AGAP3: variants seen among roughly 807,000 people sequenced by gnomAD.
AGAP3 encodes arf-GAP with GTPase, ANK repeat and PH domain-containing protein 3.
Under a neutral mutation model 96.9 loss-of-function variants are expected in AGAP3, and 24 were observed. The ratio of observed to expected loss-of-function variants is 0.25; its 90% CI spans 0.18 to 0.35. AGAP3 has a LOEUF of 0.35. Ranked by LOEUF, AGAP3 falls within the 10% of genes least tolerant of loss-of-function variation. AGAP3 has a pLI of 1.00. For synonymous variants in AGAP3, 563 were observed against 536.1 expected, an observed-to-expected ratio of 1.05 and a Z score of -0.69; for missense variants, 876 against 1,254.2, an observed-to-expected ratio of 0.70 and a Z score of 4.55.
intron 8 of AGAP3, chr7:151,122,713 C>G (rs1408336332): frequency 6.2e-7 from 1 of 1,613,584 alleles, no homozygotes; most frequent in African/African-American, 1.3e-5. Context: ...TTTATTCTTT[C>G]GATATTTGCA....
chr7:151,115,446 G>T, intron 1 of AGAP3: 1 of 1,016,492 alleles, frequency 9.8e-7, no homozygotes. Flanking sequence ...CGGCTCCCTA[G>T]GCGCCTTCCC....
In AGAP3 at chr7:151,119,982, C is replaced by T. The variant is rs747911873; in HGVS notation, c.970-5C>T. 4 of 1,613,558 alleles carry T rather than the reference C, an allele frequency of 2.5e-6. No individual in the cohort carries two copies. In the Admixed American group the frequency reaches 5.0e-5, roughly 20 times the overall value. Reference sequence around the variant, plus strand: ...GCTGCCCTCAGCAGCCCTCTTTGTCCTTAGGCCACGAATGGCGGCGGCAGC... The same window carrying T: ...GCTGCCCTCAGCAGCCCTCTTTGTCTTTAGGCCACGAATGGCGGCGGCAGC... On this transcript the variant is annotated splice_region_variant and splice_polypyrimidine_tract_variant and intron_variant, in intron 7 of 17. Transcript: ENST00000397238.
chr7:151,128,378 T>G, intron 9 of AGAP3: 9 of 544,074 alleles, frequency 1.7e-5, no homozygotes, highest in East Asian at 6.2e-5. Flanking sequence ...TGATGGATGA[T>G]GGGGGAGAGC....
chr7:151,116,938 T>C, intron 2 of AGAP3, 87 bp downstream of exon 2: 1 of 1,562,592 alleles, frequency 6.4e-7, no homozygotes, highest in East Asian at 2.2e-5. Flanking sequence ...CTTCTCCGGC[T>C]TCTGTCCCCT....
Position 151,118,759 on chromosome 7 carries a change from T to C in AGAP3, c.969+127T>C. The C allele has an allele frequency of 2.3e-6, 3 of 1,315,568 alleles. No individual in the cohort carries two copies. The highest frequency in any genetic ancestry group is 3.2e-6 in the Non-Finnish European group (3 of 945,888). The allele number at this position is 1,315,568 out of a possible 1,614,324, so 81.5% of individuals were successfully genotyped here. On this transcript the variant is annotated intron_variant, in intron 7 of 17. Coordinates refer to ENST00000397238, the MANE Select transcript of AGAP3 (RefSeq NM_031946.7). The surrounding 1 kb of genome is among the most constrained non-coding windows in gnomAD (Gnocchi z 6.1). ...CTTCCTCTGGCCTCCCAGCCTTGCA[T>C]GTTGCTTGGAAACATTGGTTGGAAT...
At chr7:151,116,243 G>A (rs1318916833) in intron 1 of AGAP3, 1 of 153,318 alleles carries the variant, frequency 6.5e-6, no homozygotes, top group African/African-American at 2.4e-5. Flanking sequence ...GAGGCGGGTG[G>A]GGTAGATGGC....
At chr7:151,098,803 G>A (rs1006889129) in intron 1 of AGAP3, among the ~76,000 whole-genome samples, 3 of 146,724 alleles carry the variant, frequency 2.0e-5, no homozygotes, top group African/African-American at 7.6e-5. Flanking sequence ...TGCAGTCTTG[G>A]CTCACTAACA....
Position 151,123,209 on chromosome 7 carries a change from G to T in AGAP3, c.1129-585G>T, listed in dbSNP as rs547890977. 5.6e-6 allele frequency: 6 copies of T among 1,076,274 alleles called. No individual in the cohort carries two copies. In the South Asian group the frequency reaches 1.7e-4, roughly 31 times the overall value. 66.7% of individuals were successfully genotyped at this position (1,076,274 alleles called of 1,614,324 possible). A position where few individuals can be genotyped will look rare whatever the true frequency, so the allele number is the denominator to read the frequency against. On this transcript the variant is annotated intron_variant, in intron 8 of 17. Transcript: ENST00000397238. ...TGCTCCGGAAGCCGCCGCCGCCGCC[G>T]CGCTTGCCTTGCCCCCTCTTTTTGG...
intron 8 of AGAP3, chr7:151,123,245 T>G: frequency 9.4e-7 from 1 of 1,062,424 alleles, no homozygotes; most frequent in Non-Finnish European, 1.1e-6. Context: ...CCTCCCCCTA[T>G]TTCCTAGGAT....
At position 151,114,435 on chromosome 7, in the gene AGAP3, C is replaced by T. The variant is rs575374287; in HGVS notation, c.332-2358C>T. 1.8e-4 allele frequency among the ~76,000 whole-genome samples: 27 copies of T among 152,372 alleles called. No homozygotes were observed. The South Asian group carries it at 5.6e-3, about 32-fold the overall frequency. ...GTTGGCCTGCTCGTAATGACAGCTC[C>T]TCACCTACCTGCCGGATCCTAGGAG... On this transcript the variant is annotated intron_variant, in intron 1 of 17. Transcript: ENST00000397238. This position sits in a 1 kb window ranked among gnomAD's most constrained non-coding sequence, Gnocchi z 4.4.
intron 1 of AGAP3, among the ~76,000 whole-genome samples, chr7:151,087,404 C>T (rs1318935782): frequency 6.6e-6 from 1 of 152,114 alleles, no homozygotes; most frequent in Non-Finnish European, 1.5e-5. Context: ...GAGGTGGGGT[C>T]GTGACCGGGG....
Position 151,141,845 on chromosome 7 carries a change from C to T in AGAP3, c.1805-53C>T, listed in dbSNP as rs1187774794. Reference sequence around the variant, plus strand: ...AGTGGAGTTGTGGCGATAGCATGCCCTGGGTGTGCACGCAGGCCAGGAGCC... The same window carrying T: ...AGTGGAGTTGTGGCGATAGCATGCCTTGGGTGTGCACGCAGGCCAGGAGCC... On this transcript the variant is annotated intron_variant, in intron 13 of 17. Transcript: ENST00000397238. This position sits in a 1 kb window ranked among gnomAD's most constrained non-coding sequence, Gnocchi z 4.2. 2.5e-6 allele frequency: 4 copies of T among 1,612,542 alleles called. No individual in the cohort carries two copies. The highest frequency in any genetic ancestry group is 3.4e-6 in the Non-Finnish European group (4 of 1,178,830).
At position 151,137,510 on chromosome 7, in the gene AGAP3, A is replaced by G. The variant is rs552989038; in HGVS notation, c.1496-633A>G. Among the ~76,000 whole-genome samples the G allele has an allele frequency of 2.2e-4, 33 of 152,252 alleles. No homozygotes were observed. The South Asian group carries it at 2.3e-3, about 11-fold the overall frequency. On this transcript the variant is annotated intron_variant, in intron 11 of 17. Transcript: ENST00000397238. ...GAATCTCTCCAGCAGGGGCTCAGCC[A>G]GGGAGTGAGGTGGGAGAATTGTGCG...
At chr7:151,117,594 C>G (rs751476489) in intron 4 of AGAP3, 42 bp from the exon 5 acceptor site, 2 of 1,612,020 alleles carry the variant, frequency 1.2e-6, no homozygotes, top group Non-Finnish European at 1.7e-6. Flanking sequence ...GGGAGTTTGC[C>G]AGGTCCAGTT....
intron 1 of AGAP3, among the ~76,000 whole-genome samples, chr7:151,107,964 G>A (rs1050891300): frequency 1.3e-5 from 2 of 152,230 alleles, no homozygotes; most frequent in Non-Finnish European, 2.9e-5. Context: ...GGGAGGGCTG[G>A]AGATGCTGTG....
intron 1 of AGAP3, among the ~76,000 whole-genome samples, chr7:151,102,450 C>G (rs1798868951): frequency 6.6e-6 from 1 of 152,124 alleles, no homozygotes; most frequent in African/African-American, 2.4e-5. Context: ...CCAGGGACAG[C>G]AGGACCAGAT....
intron 1 of AGAP3, among the ~76,000 whole-genome samples, chr7:151,102,204 C>T (rs35198870): frequency 0.012 from 1,876 of 152,312 alleles, 20 homozygotes; most frequent in Non-Finnish European, 0.022. Context: ...CAGGTTTCTG[C>T]GCAGTGGCCT....
intron 10 of AGAP3, among the ~76,000 whole-genome samples, chr7:151,132,532 C>T (rs1261451941): frequency 6.6e-6 from 1 of 152,196 alleles, no homozygotes; most frequent in Non-Finnish European, 1.5e-5. Context: ...GTCCCCTGGT[C>T]CTCTTCCTGA....
chr7:151,117,294 A>T, intron 3 of AGAP3, 77 bp from the exon 4 acceptor site: 1 of 1,595,690 alleles, frequency 6.3e-7, no homozygotes, highest in Non-Finnish European at 8.6e-7. Context: ...TCCCTCCCGC[A>T]TGGGAAGCTG....
Sources: gnomAD v4.1 joint callset for allele counts (sites outside exome capture counted in the v4.1 genomes callset) on GRCh38, gnomAD v4.1.1 for gene constraint, Gnocchi (gnomAD v3.1) non-coding constraint, MANE v1.5 for transcripts, NCBI Gene and HGNC (gene_info 2026-07-23, HGNC 2026-07-21) for gene names.